The following ZFHX3 variants were observed in gnomAD, a reference collection of about 807,000 sequenced individuals.
The protein encoded by ZFHX3 is zinc finger homeobox 3.
In ZFHX3, 42 loss-of-function variants were observed where a neutral mutation model predicts 279.1. The observed-to-expected ratio is 0.15, with a 90% CI of 0.12 to 0.19. The LOEUF is 0.19. ZFHX3 is among the 10% of genes least tolerant of loss of function. The pLI is 1.00. For missense variants in ZFHX3, 4,981 were observed against 4,754.0 expected (o/e 1.05, Z -1.40); for synonymous variants, 2,293 against 1,957.8 (o/e 1.17, Z -4.52).
intron 4 of ZFHX3, among the ~76,000 whole-genome samples, chr16:72,854,062 T>G (rs1488793984): frequency 6.6e-6 from 1 of 152,054 alleles, no homozygotes; most frequent in African/African-American, 2.4e-5. Context: ...AACATGAGGG[T>G]CCTGGCAGCT....
At chr16:72,974,658 A>T (rs984733144) in intron 1 of ZFHX3, among the ~76,000 whole-genome samples, 1 of 152,128 alleles carries the variant, frequency 6.6e-6, no homozygotes, top group Non-Finnish European at 1.5e-5. Flanking sequence ...GCCTGCTGGC[A>T]TAAAGAGCTT....
intron 1 of ZFHX3, among the ~76,000 whole-genome samples, chr16:73,866,049 T>A (rs992093204): frequency 6.6e-6 from 1 of 151,764 alleles, no homozygotes; most frequent in African/African-American, 2.4e-5. Flanking sequence ...GCTTTGAGAA[T>A]CCTGTTCTCA....
At chr16:72,871,995 G>C (rs944671058) in intron 4 of ZFHX3, among the ~76,000 whole-genome samples, 43 of 152,170 alleles carry the variant, frequency 2.8e-4, no homozygotes, top group African/African-American at 1.0e-3. Flanking sequence ...TGAGGCAGGA[G>C]AATGGCATGA....
At chr16:73,709,844 G>A (rs917013941) in intron 1 of ZFHX3, among the ~76,000 whole-genome samples, 1 of 152,128 alleles carries the variant, frequency 6.6e-6, no homozygotes, top group Non-Finnish European at 1.5e-5. Flanking sequence ...GGAGCCACTC[G>A]ATGATGTATA....
At chr16:73,319,351 C>T (rs1387896853) in intron 3 of ZFHX3, among the ~76,000 whole-genome samples, 1 of 152,002 alleles carries the variant, frequency 6.6e-6, no homozygotes, top group East Asian at 1.9e-4. Flanking sequence ...ACTCTCGCCA[C>T]GTGGTTGGAA....
chr16:73,396,295 G>A lies in ZFHX3; in HGVS notation c.-1291+59708C>T, dbSNP rs1016391948. Among the ~76,000 whole-genome samples, 5 of 152,148 alleles carry A rather than the reference G, an allele frequency of 3.3e-5. 1 individual carries two copies. The South Asian group carries it at 6.2e-4, about 19-fold the overall frequency. ...TGGCTTATTTATGAATATCTTGCAC[G>A]GTGCAAGTATACCATGTAGGCTCAA... On this transcript the variant is annotated intron_variant, in intron 3 of 17. Transcript: ENST00000641206.
At chr16:73,289,315 C>T (rs981746163) in intron 4 of ZFHX3, among the ~76,000 whole-genome samples, 6 of 151,928 alleles carry the variant, frequency 3.9e-5, no homozygotes, top group Admixed American at 2.6e-4. Flanking sequence ...CCTGCTCCAG[C>T]CATTCAGAGC....
At chr16:73,007,344 T>C (rs935662451) in intron 1 of ZFHX3, among the ~76,000 whole-genome samples, 4 of 152,232 alleles carry the variant, frequency 2.6e-5, no homozygotes, top group African/African-American at 7.2e-5. Flanking sequence ...TCTTTTTCTA[T>C]TCCCTGAAAC....
chr16:73,338,389 T>C lies in ZFHX3; in HGVS notation c.-1290-20053A>G, dbSNP rs1032794660. ...GGGCACATCGTAGGGCCTTGGCAAA[T>C]ATTTGATATGTAAGTAATTAAATGA... On this transcript the variant is annotated intron_variant, in intron 3 of 17. Transcript: ENST00000641206. Among the ~76,000 whole-genome samples, 4 of 152,178 alleles carry C rather than the reference T, an allele frequency of 2.6e-5. No homozygotes were observed. In the East Asian group the frequency reaches 7.7e-4, roughly 29 times the overall value.
At chr16:73,635,780 C>T (rs2052522236) in intron 2 of ZFHX3, among the ~76,000 whole-genome samples, 1 of 152,176 alleles carries the variant, frequency 6.6e-6, no homozygotes, top group Admixed American at 6.5e-5. Context: ...AACCTTTTTT[C>T]CAATAATAGA....
chr16:73,163,676 C>T (rs534431208), intron 5 of ZFHX3, among the ~76,000 whole-genome samples: 2 of 152,204 alleles, frequency 1.3e-5, no homozygotes, highest in African/African-American at 4.8e-5. Flanking sequence ...GTGCACGTTT[C>T]CTGCAATGTT....
At chr16:73,389,510 G>A (rs575334313) in intron 3 of ZFHX3, among the ~76,000 whole-genome samples, 5 of 152,172 alleles carry the variant, frequency 3.3e-5, no homozygotes, top group African/African-American at 1.2e-4. Flanking sequence ...GTAATTAGAA[G>A]GCGTATTTTA....
intron 4 of ZFHX3, among the ~76,000 whole-genome samples, chr16:72,847,950 TC>T (rs1238588926): frequency 2.0e-5 from 3 of 152,050 alleles, no homozygotes; most frequent in African/African-American, 7.2e-5. Flanking sequence ...ATTCACATCA[TC>T]AGGAGAACTG....
intron 7 of ZFHX3, among the ~76,000 whole-genome samples, chr16:73,111,968 G>A (rs1276403479): frequency 2.0e-5 from 3 of 151,928 alleles, no homozygotes; most frequent in South Asian, 2.1e-4. Flanking sequence ...CCCACTGACC[G>A]TCCTCTACCA....
chr16:73,171,736 A>T (rs1215736445), intron 5 of ZFHX3, among the ~76,000 whole-genome samples: 1 of 152,100 alleles, frequency 6.6e-6, no homozygotes, highest in Non-Finnish European at 1.5e-5. Context: ...ATATTTTACT[A>T]ACTCTTGTTT....
chr16:72,987,479 T>C (rs1209730007), intron 1 of ZFHX3, among the ~76,000 whole-genome samples: 1 of 152,206 alleles, frequency 6.6e-6, no homozygotes, highest in Non-Finnish European at 1.5e-5. Flanking sequence ...GAGGGACCTC[T>C]ACCTGCCCTA....
chr16:72,852,857 T>C (rs1286895939), intron 4 of ZFHX3, among the ~76,000 whole-genome samples: 2 of 152,188 alleles, frequency 1.3e-5, no homozygotes, highest in Non-Finnish European at 2.9e-5. Flanking sequence ...AGTCCTCTAT[T>C]CCTTTATTTG....
At chr16:73,569,791 A>C (rs567352106) in intron 2 of ZFHX3, among the ~76,000 whole-genome samples, 86 of 152,332 alleles carry the variant, frequency 5.6e-4, no homozygotes, top group African/African-American at 2.0e-3. Context: ...AAGAGCACAC[A>C]GATGCCAGGA....
intron 2 of ZFHX3, among the ~76,000 whole-genome samples, chr16:73,520,639 G>T (rs904706889): frequency 6.6e-6 from 1 of 152,116 alleles, no homozygotes; most frequent in Non-Finnish European, 1.5e-5. Flanking sequence ...CAAACATCTG[G>T]TGTCTAGCAA....
Sources: gnomAD v4.1 joint callset for allele counts (sites outside exome capture counted in the v4.1 genomes callset) on GRCh38, gnomAD v4.1.1 for gene constraint, MANE v1.5 for transcripts, NCBI Gene and HGNC (gene_info 2026-07-23, HGNC 2026-07-21) for gene names.